The following WNK3 variants were observed in gnomAD, a reference collection of about 807,000 sequenced individuals.
WNK3 encodes WNK lysine deficient protein kinase 3.
A neutral mutation model predicts 116.7 loss-of-function variants in WNK3; 18 were observed. That is an observed-to-expected ratio of 0.15 (90% CI 0.11 to 0.23). The LOEUF (loss-of-function observed/expected upper bound fraction) is 0.23, where lower values mean the gene tolerates loss of function less well. Ranked by LOEUF, WNK3 falls within the 10% of genes least tolerant of loss-of-function variation. The pLI, the probability that WNK3 is intolerant of heterozygous loss-of-function variation, is 1.00. For synonymous variants in WNK3, 404 were observed against 469.4 expected (o/e 0.86, Z 1.80); for missense variants, 993 against 1,323.8 (o/e 0.75, Z 3.88).
intron 2 of WNK3, among the ~76,000 whole-genome samples, chrX:54,319,407 C>T (rs1301578352): frequency 9.0e-6 from 1 of 111,306 alleles, no homozygotes; most frequent in East Asian, 2.8e-4. Context: ...AAGTGATCTG[C>T]CTGCCTCAGC....
intron 5 of WNK3, among the ~76,000 whole-genome samples, chrX:54,306,792 T>TA (rs2068830702): frequency 9.0e-6 from 1 of 111,303 alleles, no homozygotes; most frequent in East Asian, 2.8e-4. Context: ...ATTTCAAATG[T>TA]CTTACCACAC....
intron 10 of WNK3, among the ~76,000 whole-genome samples, chrX:54,280,590 T>C (rs1257526904): frequency 8.9e-6 from 1 of 112,090 alleles, no homozygotes; most frequent in Non-Finnish European, 1.9e-5. Flanking sequence ...TGTGGAATAC[T>C]ATGCAGCCAT....
intron 2 of WNK3, among the ~76,000 whole-genome samples, chrX:54,330,388 C>G (rs2069154456): frequency 9.1e-6 from 1 of 110,043 alleles, no homozygotes; most frequent in Admixed American, 9.8e-5. Context: ...AACAAACAAA[C>G]AAACAAACAA....
chrX:54,284,549 T>C (rs1287580317), intron 10 of WNK3, among the ~76,000 whole-genome samples: 11 of 111,640 alleles, frequency 9.9e-5, no homozygotes, highest in African/African-American at 2.9e-4. Flanking sequence ...AAAAAACTTA[T>C]ATAGGGATGT....
intron 10 of WNK3, among the ~76,000 whole-genome samples, chrX:54,281,357 C>T (rs1008259951): frequency 7.2e-5 from 8 of 110,689 alleles, no homozygotes; most frequent in Non-Finnish European, 1.3e-4. Flanking sequence ...TGGTGGCATA[C>T]GCCTGTAGTC....
intron 4 of WNK3, among the ~76,000 whole-genome samples, chrX:54,308,285 G>C (rs1174712378): frequency 9.1e-6 from 1 of 110,022 alleles, no homozygotes; most frequent in East Asian, 2.8e-4. Context: ...TCTGCCACCC[G>C]GGTTCAAGTG....
At chrX:54,311,002 A>G (rs2147175131) in intron 3 of WNK3, 117 bp downstream of exon 3, 1 of 514,505 alleles carries the variant, frequency 1.9e-6, no homozygotes, top group East Asian at 4.0e-5. Context: ...AGGTGTAGCC[A>G]CTGCGCCTGG....
At chrX:54,314,048 C>T (rs1330498409) in intron 2 of WNK3, among the ~76,000 whole-genome samples, 4 of 108,595 alleles carry the variant, frequency 3.7e-5, no homozygotes, top group Non-Finnish European at 5.7e-5. Context: ...AAAAAATTAG[C>T]CAGGTGTGGT....
At chrX:54,291,361 A>G (rs782094986) in intron 10 of WNK3, among the ~76,000 whole-genome samples, 109 of 112,222 alleles carry the variant, frequency 9.7e-4, no homozygotes, top group African/African-American at 2.7e-3. Context: ...TGAAAAAACA[A>G]TAAGTTGTCT....
chrX:54,332,879 AG>A (rs1557174545), intron 2 of WNK3, among the ~76,000 whole-genome samples: 1 of 109,609 alleles, frequency 9.1e-6, no homozygotes, highest in African/African-American at 3.3e-5. Context: ...AAAAAAAAAA[AG>A]AAAAAAGAAA....
rs3021277 is a variant in WNK3, at chrX:54,265,504, G to A, written c.2038-6166C>T. Among the ~76,000 whole-genome samples the A allele has an allele frequency of 2.1e-3, 228 of 110,724 alleles. 1 individual carries two copies. The highest frequency in any genetic ancestry group is 7.0e-3 in the African/African-American group (213 of 30,516). On this transcript the variant is annotated intron_variant, in intron 10 of 23. Transcript: ENST00000354646. ...TCCGTCTGAAAAAAAAGAGGAAAAC[G>A]GAAGTCAAAGAAAATCTACATGAGG...
rs144511829 is a variant in WNK3 at position 54,333,337 on chromosome X, T to C, written c.337A>G (p.Thr113Ala). Residue 113 changes from threonine (T) to alanine (A), a missense_variant, in exon 2 of 24, where the codon ACC becomes GCC. Thr to Ala is a moderately conservative substitution (Grantham distance 58, BLOSUM62 0). Coordinates refer to ENST00000354646, the Ensembl canonical transcript of WNK3. ...AAACAATCTTTTGAGATTTCTGAGG[T>C]TGACTTTGAACACTGTTCATATTTA... 4.1e-6 allele frequency: 5 copies of C among 1,208,670 alleles called. No homozygotes were observed. Among genetic ancestry groups the C allele is most frequent in the East Asian group, 3.0e-5 (1 of 33,779 alleles).
At chrX:54,236,234 C>T (rs1358519668) in intron 20 of WNK3, among the ~76,000 whole-genome samples, 1 of 110,519 alleles carries the variant, frequency 9.0e-6, no homozygotes, top group Non-Finnish European at 1.9e-5. Flanking sequence ...CTCGGCCTCC[C>T]AAGTAGCTGG....
chrX:54,207,553 G>A (rs1254945673), intron 22 of WNK3, among the ~76,000 whole-genome samples: 5 of 60,463 alleles, frequency 8.3e-5, no homozygotes, highest in African/African-American at 3.5e-4. Context: ...TGCTCTTGTT[G>A]CCCAGCCTGG....
At position 54,268,253 on chromosome X, in the gene WNK3, G is replaced by GAGGGGATCGCTTGAGCCC. The variant is rs1420476396; in HGVS notation, c.2038-8933_2038-8916dup. Among the ~76,000 whole-genome samples, 359 of 111,248 alleles carry GAGGGGATCGCTTGAGCCC rather than the reference G, an allele frequency of 3.2e-3. 2 individuals carry two copies. The highest frequency in any genetic ancestry group is 0.011 in the African/African-American group (338 of 30,600). Reference sequence around the variant, plus strand: ...AAAGGAATAAGGGGGAGGCTGAGGCGAGGGGATCGCTTGAGCCCAGGAGTT... The same window carrying GAGGGGATCGCTTGAGCCC: ...AAAGGAATAAGGGGGAGGCTGAGGCGAGGGGATCGCTTGAGCCCAGGGGATCGCTTGAGCCCAGGAGTT... On this transcript the variant is annotated intron_variant, in intron 10 of 23. Transcript: ENST00000354646.
intron 10 of WNK3, among the ~76,000 whole-genome samples, chrX:54,264,056 A>G (rs1450734220): frequency 9.3e-6 from 1 of 107,449 alleles, no homozygotes; most frequent in Non-Finnish European, 1.9e-5. Context: ...AATTTGGGCC[A>G]GGTGTGGTGG....
chrX:54,332,749 G>A (rs932558372), intron 2 of WNK3, among the ~76,000 whole-genome samples: 9 of 108,308 alleles, frequency 8.3e-5, no homozygotes, highest in East Asian at 2.9e-4. Context: ...TTAGCGGGGC[G>A]TAGTGGCGTG....
intron 10 of WNK3, among the ~76,000 whole-genome samples, chrX:54,274,844 A>AGAAAAC (rs1305537849): frequency 9.1e-6 from 1 of 109,579 alleles, no homozygotes; most frequent in African/African-American, 3.3e-5. Flanking sequence ...CATCTCTACA[A>AGAAAAC]GAAAACAAAA....
At chrX:54,293,536 A>C (rs1410796996) in intron 8 of WNK3, among the ~76,000 whole-genome samples, 3 of 112,180 alleles carry the variant, frequency 2.7e-5, no homozygotes, top group African/African-American at 9.7e-5. Context: ...TGGTATAACT[A>C]AAATTTTCTT....
Sources: allele counts gnomAD v4.1 joint callset (sites outside exome capture counted in the v4.1 genomes callset), GRCh38; gene constraint gnomAD v4.1.1; transcripts MANE v1.5; gene names NCBI Gene and HGNC (gene_info 2026-07-23, HGNC 2026-07-21).